RAB4A: variants seen among roughly 807,000 people sequenced by gnomAD.
The protein encoded by RAB4A is ras-related protein Rab-4A.
Under a neutral mutation model 34.5 loss-of-function variants are expected in RAB4A, and 20 were observed. The observed-to-expected ratio is 0.58, with a 90% CI of 0.41 to 0.84. RAB4A has a LOEUF of 0.84. Among genes scored for constraint, RAB4A ranks in the 40% least tolerant of loss-of-function variants. RAB4A has a pLI of 0.00. For synonymous variants in RAB4A, 102 were observed against 100.0 expected, an observed-to-expected ratio of 1.02 and a Z score of -0.12; for missense variants, 228 against 274.5, an observed-to-expected ratio of 0.83 and a Z score of 1.20.
At chr1:229,299,138 TTTTAA>T in intron 6 of RAB4A, 66 bp downstream of exon 6, 1 of 1,093,388 alleles carries the variant, frequency 9.1e-7, no homozygotes, top group Non-Finnish European at 1.3e-6. Context: ...GTAGATCACC[TTTTAA>T]TTAATAGTTT....
Position 229,297,565 on chromosome 1 carries a change from G to A in RAB4A, c.374G>A (p.Gly125Glu). 1 of 1,613,050 alleles carries A rather than the reference G, an allele frequency of 6.2e-7. No homozygotes were observed. The highest frequency in any genetic ancestry group is 8.5e-7 in the Non-Finnish European group (1 of 1,179,892). ...ASQNIVIILC[G>E]NKKDLDADRE... is the part of the protein sequence containing the mutation. Reference sequence around the variant, plus strand: ...CAGAACATTGTGATCATCCTTTGTGGAAACAAGAAGGACCTGGATGCAGAT... The same window carrying A: ...CAGAACATTGTGATCATCCTTTGTGAAAACAAGAAGGACCTGGATGCAGAT... Residue 125 changes from glycine (G) to glutamate (E), a missense_variant, in exon 5 of 8, where the codon GGA becomes GAA. Physicochemically the swap from Gly to Glu is moderately conservative, Grantham distance 98. Coordinates refer to ENST00000366690, the MANE Select transcript of RAB4A (RefSeq NM_004578.4).
chr1:229,271,806 C>T (rs1656492310), intron 1 of RAB4A, among the ~76,000 whole-genome samples: 1 of 152,180 alleles, frequency 6.6e-6, no homozygotes, highest in Non-Finnish European at 1.5e-5. Flanking sequence ...TTGACCTTTC[C>T]TGGTTTGGAA....
intron 6 of RAB4A, among the ~76,000 whole-genome samples, chr1:229,301,226 G>A (rs1322116200): frequency 6.6e-6 from 1 of 152,120 alleles, no homozygotes; most frequent in Non-Finnish European, 1.5e-5. Context: ...GGGTGCAAAG[G>A]GTTAATTTAA....
chr1:229,271,280 G>T lies in RAB4A; in HGVS notation c.-60G>T. On this transcript the variant is annotated 5_prime_UTR_variant, in exon 1 of 8. Transcript: ENST00000366690. ...CCCAGGTCCTTCCCCACCGAGACGCGCCGGCGGACCGCGGGCGAGTGCAGC... is the reference window on the plus strand; with the variant it reads ...CCCAGGTCCTTCCCCACCGAGACGCTCCGGCGGACCGCGGGCGAGTGCAGC... The T allele has an allele frequency of 7.6e-7, 1 of 1,321,502 alleles. No individual in the cohort carries two copies. The allele number at this position is 1,321,502 out of a possible 1,614,324, so 81.9% of individuals were successfully genotyped here.
At position 229,283,254 on chromosome 1, in the gene RAB4A, CA is replaced by C. The variant is rs376938844; in HGVS notation, c.32-3231del. ...CTGGTGACCTCCACTGACACTGTGC[CA>C]GGGGCACACAAGAGCTCATTACACA... is the stretch of plus-strand genomic sequence containing the variant. On this transcript the variant is annotated intron_variant, in intron 1 of 7. Transcript: ENST00000366690. Among the ~76,000 whole-genome samples, 379 of 152,304 alleles carry C rather than the reference CA, an allele frequency of 2.5e-3. 2 individuals are homozygous for C. The highest frequency in any genetic ancestry group is 8.5e-3 in the African/African-American group (352 of 41,562).
intron 6 of RAB4A, among the ~76,000 whole-genome samples, chr1:229,301,674 G>A (rs1278489737): frequency 6.6e-6 from 1 of 151,888 alleles, no homozygotes; most frequent in Non-Finnish European, 1.5e-5. Flanking sequence ...AAATATAAGA[G>A]TATAAATTAG....
chr1:229,292,337 T>C (rs1657111868), intron 3 of RAB4A, among the ~76,000 whole-genome samples: 1 of 152,214 alleles, frequency 6.6e-6, no homozygotes, highest in South Asian at 2.1e-4. Context: ...CAAGACAGTG[T>C]TGTAAAATAA....
chr1:229,282,500 G>T (rs184731751), intron 1 of RAB4A, among the ~76,000 whole-genome samples: 6 of 152,108 alleles, frequency 3.9e-5, no homozygotes, highest in Admixed American at 2.6e-4. Flanking sequence ...AGTTTTCAGT[G>T]CTGTTTCTTA....
In RAB4A at chr1:229,302,257, TTATATATATATATA is replaced by T. The variant is rs58013219; in HGVS notation, c.542-565_542-552del. 2.5e-3 allele frequency among the ~76,000 whole-genome samples: 110 copies of T among 44,328 alleles called. 1 individual carries two copies. The highest frequency in any genetic ancestry group is 6.5e-3 in the African/African-American group (83 of 12,672). 29.1% of individuals were successfully genotyped at this position (44,328 alleles called of 152,430 possible). ...TTATAAGTAATGTTACAGTAAATAATTATATATATATATATATATATATATATATATATATATAT... is the reference window on the plus strand; with the variant it reads ...TTATAAGTAATGTTACAGTAAATAATTATATATATATATATATATATATAT... On this transcript the variant is annotated intron_variant, in intron 6 of 7. Coordinates refer to ENST00000366690, the MANE Select transcript of RAB4A (RefSeq NM_004578.4).
chr1:229,290,137 G>A (rs1416192239), intron 3 of RAB4A, among the ~76,000 whole-genome samples: 2 of 152,304 alleles, frequency 1.3e-5, no homozygotes, highest in East Asian at 3.9e-4. Context: ...TCTTCCTCTG[G>A]AGTCCCAGAA....
intron 6 of RAB4A, among the ~76,000 whole-genome samples, chr1:229,302,286 TATATATATATATATA>T (rs1657415963): frequency 6.7e-4 from 15 of 22,536 alleles, no homozygotes; most frequent in African/African-American, 2.8e-3. Flanking sequence ...TATATATATA[TATATATATATATATA>T]TATATATATT....
chr1:229,273,503 G>T (rs1656556253), intron 1 of RAB4A, among the ~76,000 whole-genome samples: 1 of 152,214 alleles, frequency 6.6e-6, no homozygotes, highest in Admixed American at 6.5e-5. Flanking sequence ...ACTTTGGAAG[G>T]CCGAGTTGGG....
At chr1:229,294,212 C>T (rs1657174766) in intron 3 of RAB4A, among the ~76,000 whole-genome samples, 1 of 152,174 alleles carries the variant, frequency 6.6e-6, no homozygotes, top group African/African-American at 2.4e-5. Flanking sequence ...CAGGCAGTCT[C>T]ATGGAGATAT....
chr1:229,300,094 G>A (rs1201547185), intron 6 of RAB4A, among the ~76,000 whole-genome samples: 1 of 152,218 alleles, frequency 6.6e-6, no homozygotes, highest in Non-Finnish European at 1.5e-5. Flanking sequence ...ATGAGCACTA[G>A]AGACACTGAG....
At chr1:229,281,008 G>C (rs1656763793) in intron 1 of RAB4A, among the ~76,000 whole-genome samples, 1 of 152,150 alleles carries the variant, frequency 6.6e-6, no homozygotes, top group Admixed American at 6.5e-5. Context: ...GTGTACCAAA[G>C]ATTGTCTAAC....
chr1:229,286,583 T>C lies in RAB4A; in HGVS notation c.112+17T>C. ...AAAAAAAATGTAAGTGTCATGAAAT[T>C]AGTCATTCTTCCGTGCATGTCTTCT... is the stretch of plus-strand genomic sequence containing the variant. On this transcript the variant is annotated intron_variant, in intron 2 of 7. Coordinates refer to ENST00000366690, the MANE Select transcript of RAB4A (RefSeq NM_004578.4). 1 of 1,482,264 alleles carries C rather than the reference T, an allele frequency of 6.7e-7. No individual in the cohort carries two copies. Among genetic ancestry groups the C allele is most frequent in the Non-Finnish European group, 9.2e-7 (1 of 1,084,426 alleles). The allele number at this position is 1,482,264 out of a possible 1,614,324, so 91.8% of individuals were successfully genotyped here. A position where few individuals can be genotyped will look rare whatever the true frequency, so the allele number is the denominator to read the frequency against.
rs929598494 is a variant in RAB4A at position 229,271,227 on chromosome 1, C to A, written c.-113C>A. ...ACCGGCGGTTGCCGTGGGGACCGGT[C>A]GGGCCCCTCCCTCCTCCGGTCCCCC... On this transcript the variant is annotated 5_prime_UTR_variant, in exon 1 of 8. Coordinates refer to ENST00000366690, the MANE Select transcript of RAB4A (RefSeq NM_004578.4). 3.6e-6 allele frequency: 4 copies of A among 1,097,666 alleles called. 1 individual carries two copies. The South Asian group carries it at 9.6e-5, about 26-fold the overall frequency. 68.0% of individuals were successfully genotyped at this position (1,097,666 alleles called of 1,614,324 possible).
rs1657518697 is a variant in RAB4A at position 229,305,162 on chromosome 1, A to G, written c.*1369A>G. 1 of 1,602,278 alleles carries G rather than the reference A, an allele frequency of 6.2e-7. No individual in the cohort carries two copies. Among genetic ancestry groups the G allele is most frequent in the Admixed American group, 1.7e-5 (1 of 57,892 alleles). On this transcript the variant is annotated 3_prime_UTR_variant, in exon 8 of 8. Transcript: ENST00000366690. ...GACTAGGATAAAAATATCAGTATGTATCTGTTTTAGATATTTTGAGTTTTG... is the reference window on the plus strand; with the variant it reads ...GACTAGGATAAAAATATCAGTATGTGTCTGTTTTAGATATTTTGAGTTTTG...
Position 229,305,339 on chromosome 1 carries a change from A to G in RAB4A, c.*1546A>G, listed in dbSNP as rs1487791830. 1 of 1,550,384 alleles carries G rather than the reference A, an allele frequency of 6.5e-7. No homozygotes were observed. Among genetic ancestry groups the G allele is most frequent in the Non-Finnish European group, 8.7e-7 (1 of 1,144,456 alleles). On this transcript the variant is annotated 3_prime_UTR_variant, in exon 8 of 8. Transcript: ENST00000366690. ...TGCTCATTTTTGAACAGCTTTTTGC[A>G]TGGGATAGGAGCATGTCTATTCTAA...
Sources: allele counts gnomAD v4.1 joint callset (sites outside exome capture counted in the v4.1 genomes callset), GRCh38; gene constraint gnomAD v4.1.1; transcripts MANE v1.5; gene names NCBI Gene and HGNC (gene_info 2026-07-23, HGNC 2026-07-21).